ABHD13: variants seen among roughly 807,000 people sequenced by gnomAD.
ABHD13 encodes the protein abhydrolase domain containing 13.
Under a neutral mutation model 25.2 loss-of-function variants are expected in ABHD13, and 7 were observed. That is an observed-to-expected ratio of 0.28 (90% confidence interval 0.16 to 0.52). The LOEUF is 0.52. Ranked by LOEUF, ABHD13 falls within the 20% of genes least tolerant of loss-of-function variation. ABHD13 has a pLI of 0.96. For missense variants in ABHD13, 302 were observed against 402.7 expected (o/e 0.75, Z 2.14); for synonymous variants, 133 against 136.1 (o/e 0.98, Z 0.16).
At chr13:108,223,330 T>A (rs1360448051) in intron 1 of ABHD13, among the ~76,000 whole-genome samples, 1 of 152,224 alleles carries the variant, frequency 6.6e-6, no homozygotes, top group African/African-American at 2.4e-5. Flanking sequence ...TTGTCAGTTG[T>A]CTTTTTAAAT....
intron 1 of ABHD13, among the ~76,000 whole-genome samples, chr13:108,224,631 C>T (rs1879635814): frequency 6.6e-6 from 1 of 152,162 alleles, no homozygotes; most frequent in African/African-American, 2.4e-5. Flanking sequence ...AGCTGACTTA[C>T]CATCCAGCTA....
chr13:108,224,198 A>G (rs1879626378), intron 1 of ABHD13, among the ~76,000 whole-genome samples: 1 of 152,228 alleles, frequency 6.6e-6, no homozygotes, highest in Admixed American at 6.5e-5. Context: ...AATTAAATGA[A>G]CTTACGTTAG....
At chr13:108,224,399 G>T (rs1879631533) in intron 1 of ABHD13, among the ~76,000 whole-genome samples, 1 of 152,122 alleles carries the variant, frequency 6.6e-6, no homozygotes, top group Admixed American at 6.5e-5. Context: ...GTCCACGCTG[G>T]GTTTCACAGC....
intron 1 of ABHD13, among the ~76,000 whole-genome samples, chr13:108,225,610 A>G (rs552556693): frequency 1.4e-4 from 22 of 152,326 alleles, no homozygotes; most frequent in African/African-American, 5.1e-4. Context: ...GTTCTCAGAT[A>G]GTAAATGGTT....
chr13:108,233,618 A>C lies in ABHD13; in HGVS notation c.*3386A>C, dbSNP rs1405258734. Reference sequence around the variant, plus strand: ...TAGGTATTTTCATATTACTCAGGTAAAGATGGAAATGACAGAGCACAGACA... The same window carrying C: ...TAGGTATTTTCATATTACTCAGGTACAGATGGAAATGACAGAGCACAGACA... On this transcript the variant is annotated 3_prime_UTR_variant, in exon 2 of 2. Transcript: ENST00000375898. 6.0e-6 allele frequency: 1 copy of C among 166,746 alleles called. No homozygotes were observed. The highest frequency in any genetic ancestry group is 2.1e-4 in the South Asian group (1 of 4,836). 10.3% of individuals were successfully genotyped at this position (166,746 alleles called of 1,614,324 possible).
In ABHD13 at chr13:108,229,544, A is replaced by G; in HGVS notation, c.326A>G (p.Asp109Gly). The G allele has an allele frequency of 6.2e-7, 1 of 1,613,410 alleles. No homozygotes were observed. The highest frequency in any genetic ancestry group is 8.5e-7 in the Non-Finnish European group (1 of 1,179,584). ...LNLILIRYTG[D>G]NSPYSPTIIY... ...CTTATTTTGATACGATACACTGGAG[A>G]CAATTCACCCTATTCCCCAACTATA... Residue 109 changes from aspartate (D) to glycine (G), a missense_variant, in exon 2 of 2, where the codon GAC becomes GGC. Asp to Gly is a moderately conservative substitution (Grantham distance 94). Coordinates refer to ENST00000375898, the MANE Select transcript of ABHD13 (RefSeq NM_032859.3). This position sits in a 1 kb window ranked among gnomAD's most constrained non-coding sequence, Gnocchi z 4.7.
intron 1 of ABHD13, among the ~76,000 whole-genome samples, chr13:108,227,434 T>G (rs1415306747): frequency 6.6e-6 from 1 of 152,106 alleles, no homozygotes; most frequent in Admixed American, 6.6e-5. Context: ...TTGCTAAAAT[T>G]AGATGTTAGA....
At chr13:108,222,972 G>A (rs767467299) in intron 1 of ABHD13, among the ~76,000 whole-genome samples, 21 of 152,226 alleles carry the variant, frequency 1.4e-4, no homozygotes, top group African/African-American at 4.6e-4. Flanking sequence ...GTGGGTACTC[G>A]TTGGTACGAC....
At chr13:108,227,796 GATAA>G (rs572639389) in intron 1 of ABHD13, among the ~76,000 whole-genome samples, 99 of 152,114 alleles carry the variant, frequency 6.5e-4, no homozygotes, top group Non-Finnish European at 1.1e-3. Context: ...GGAAATAAGT[GATAA>G]ATAGTTATTC....
intron 1 of ABHD13, among the ~76,000 whole-genome samples, chr13:108,224,421 C>T (rs1879632111): frequency 6.6e-6 from 1 of 152,158 alleles, no homozygotes; most frequent in Admixed American, 6.5e-5. Flanking sequence ...CCCCTGGGAG[C>T]CTGCAGTGAT....
chr13:108,230,108 C>T lies in ABHD13; in HGVS notation c.890C>T (p.Thr297Ile). The T allele has an allele frequency of 1.2e-6, 2 of 1,613,178 alleles. No individual in the cohort carries two copies. Among genetic ancestry groups the T allele is most frequent in the Non-Finnish European group, 1.7e-6 (2 of 1,179,336 alleles). The part of the protein sequence containing the change: ...TKRLAIFPDG[T>I]HNDTWQCQGY... ...AGATTAGCCATTTTTCCAGATGGGA[C>T]TCACAATGACACATGGCAGTGCCAA... The change falls in exon 2 of 2, where the codon ACT becomes ATT. Residue 297 changes from threonine to isoleucine, a missense_variant. Coordinates refer to ENST00000375898, the MANE Select transcript of ABHD13 (RefSeq NM_032859.3).
intron 1 of ABHD13, among the ~76,000 whole-genome samples, chr13:108,220,790 C>T (rs946588101): frequency 6.6e-6 from 1 of 152,160 alleles, no homozygotes; most frequent in Non-Finnish European, 1.5e-5. Flanking sequence ...TTCACATACT[C>T]AATGTTATAT....
In ABHD13 at chr13:108,229,904, T is replaced by C; in HGVS notation, c.686T>C (p.Leu229Ser). The C allele has an allele frequency of 6.2e-7, 1 of 1,613,394 alleles. No individual in the cohort carries two copies. The highest frequency in any genetic ancestry group is 8.5e-7 in the Non-Finnish European group (1 of 1,179,482). Residue 229 changes from leucine to serine, a missense_variant, in exon 2 of 2, where the codon TTA (leucine) becomes TCA (serine). Leu to Ser is a moderately radical substitution (Grantham distance 145). Transcript: ENST00000375898. This position sits in a 1 kb window ranked among gnomAD's most constrained non-coding sequence, Gnocchi z 4.7. ...FLSIPHMAST[L>S]FSFFPMRYLP... ...AGCATACCACATATGGCCAGCACTT[T>C]ATTTTCATTCTTTCCGATGCGTTAC... is the stretch of plus-strand genomic sequence containing the variant.
Position 108,229,841 on chromosome 13 carries a change from A to G in ABHD13, c.623A>G (p.His208Arg), listed in dbSNP as rs1006251631. 9 of 1,613,478 alleles carry G rather than the reference A, an allele frequency of 5.6e-6. No individual in the cohort carries two copies. Among genetic ancestry groups the G allele is most frequent in the Non-Finnish European group, 6.8e-6 (8 of 1,179,492 alleles). The change falls in exon 2 of 2, where the codon CAT becomes CGT. Residue 208 changes from histidine (H) to arginine (R), a missense_variant. Transcript: ENST00000375898. The surrounding 1 kb of genome is among the most constrained non-coding windows in gnomAD (Gnocchi z 4.7). ...VAIHLASENSHRISAIMVENT... is the reference protein window; with the variant it reads ...VAIHLASENSRRISAIMVENT... The stretch of plus-strand genomic sequence containing the variant: ...ATTCATTTGGCTTCTGAAAATTCAC[A>G]TAGGATTTCAGCCATTATGGTGGAG...
Position 108,229,924 on chromosome 13 carries a change from C to G in ABHD13, c.706C>G (p.Arg236Gly). Residue 236 changes from arginine to glycine, a missense_variant, in exon 2 of 2, where the codon CGT becomes GGT. Physicochemically the swap from Arg to Gly is moderately radical, Grantham distance 125. Coordinates refer to ENST00000375898, the MANE Select transcript of ABHD13 (RefSeq NM_032859.3). The surrounding 1 kb of genome is among the most constrained non-coding windows in gnomAD (Gnocchi z 4.7). Reference sequence around the variant, plus strand: ...CACTTTATTTTCATTCTTTCCGATGCGTTACCTTCCTTTATGGTGCTACAA... The same window carrying G: ...CACTTTATTTTCATTCTTTCCGATGGGTTACCTTCCTTTATGGTGCTACAA... ...ASTLFSFFPM[R>G]YLPLWCYKNK... 6.2e-7 allele frequency: 1 copy of G among 1,613,178 alleles called. No individual in the cohort carries two copies. The highest frequency in any genetic ancestry group is 8.5e-7 in the Non-Finnish European group (1 of 1,179,436).
Position 108,230,132 on chromosome 13 carries a change from A to T in ABHD13, c.914A>T (p.Gln305Leu), listed in dbSNP as rs1375138165. The change falls in exon 2 of 2, where the codon CAA (glutamine) becomes CTA (leucine). Residue 305 changes from glutamine to leucine, a missense_variant. Gln to Leu is a moderately radical substitution (Grantham distance 113, BLOSUM62 -2). Transcript: ENST00000375898. ...ACTCACAATGACACATGGCAGTGCC[A>T]AGGCTATTTCACTGCACTTGAACAG... The part of the protein sequence containing the change: ...DGTHNDTWQC[Q>L]GYFTALEQFI... 6.2e-7 allele frequency: 1 copy of T among 1,613,122 alleles called. No individual in the cohort carries two copies. Among genetic ancestry groups the T allele is most frequent in the East Asian group, 2.2e-5 (1 of 44,860 alleles).
chr13:108,224,620 T>TA lies in ABHD13; in HGVS notation c.-20-4578dup, dbSNP rs545326142. On this transcript the variant is annotated intron_variant, in intron 1 of 1. Transcript: ENST00000375898. ...GAAGCATGGCCATCACTCATGCCCTTAGCTGACTTACCATCCAGCTAACAC... is the reference window on the plus strand; with the variant it reads ...GAAGCATGGCCATCACTCATGCCCTTAAGCTGACTTACCATCCAGCTAACAC... Among the ~76,000 whole-genome samples the TA allele has an allele frequency of 5.3e-5, 8 of 152,340 alleles. No individual in the cohort carries two copies. In the South Asian group the frequency reaches 1.7e-3, roughly 32 times the overall value.
rs371840875 is a variant in ABHD13 at position 108,229,759 on chromosome 13, G to A, written c.541G>A (p.Asp181Asn). 6.2e-7 allele frequency: 1 copy of A among 1,613,210 alleles called. No individual in the cohort carries two copies. The highest frequency in any genetic ancestry group is 8.5e-7 in the Non-Finnish European group (1 of 1,179,512). ...AVLDYVMTRP[D>N]LDKTKIFLFG... ...GTTAGACTACGTGATGACTAGACCT[G>A]ACCTTGATAAAACAAAAATTTTTCT... The change falls in exon 2 of 2, where the codon GAC becomes AAC. Residue 181 changes from aspartate (D) to asparagine (N), a missense_variant. Physicochemically the swap from Asp to Asn is conservative, Grantham distance 23. Transcript: ENST00000375898. This position sits in a 1 kb window ranked among gnomAD's most constrained non-coding sequence, Gnocchi z 4.7.
chr13:108,219,693 G>GAACTA (rs1397462522), intron 1 of ABHD13, among the ~76,000 whole-genome samples: 2 of 152,194 alleles, frequency 1.3e-5, no homozygotes, highest in East Asian at 3.8e-4. Flanking sequence ...ATAGGACGAG[G>GAACTA]TCTCTGTCAT....
Sources: allele counts gnomAD v4.1 joint callset (sites outside exome capture counted in the v4.1 genomes callset), GRCh38; gene constraint gnomAD v4.1.1; non-coding constraint Gnocchi (gnomAD v3.1); transcripts MANE v1.5; gene names NCBI Gene and HGNC (gene_info 2026-07-23, HGNC 2026-07-21).